DOCK8: variants seen among roughly 807,000 people sequenced by gnomAD.
DOCK8 encodes the protein dedicator of cytokinesis 8, also known as dedicator of cytokinesis protein 8.
A neutral mutation model predicts 245.6 loss-of-function variants in DOCK8; 141 were observed. The observed-to-expected ratio is 0.57, with a 90% CI of 0.50 to 0.66. The LOEUF (loss-of-function observed/expected upper bound fraction) is 0.66, where lower values mean the gene tolerates loss of function less well. Ranked by LOEUF, DOCK8 falls within the 30% of genes least tolerant of loss-of-function variation. The probability of loss-of-function intolerance (pLI) is 0.00; values close to 1 mark genes in which losing one functional copy is unlikely to be tolerated. For synonymous variants in DOCK8, 1,168 were observed against 970.2 expected, an observed-to-expected ratio of 1.20 and a Z score of -3.79; for missense variants, 2,965 against 2,603.4, an observed-to-expected ratio of 1.14 and a Z score of -3.02.
At chr9:418,036 A>T (rs748045995) in intron 29 of DOCK8, 32 bp from the exon 30 acceptor site, 1 of 1,614,026 alleles carries the variant, frequency 6.2e-7, no homozygotes, top group Non-Finnish European at 8.5e-7. Context: ...GTCATGTTTG[A>T]CTTGACATCA....
intron 46 of DOCK8, among the ~76,000 whole-genome samples, chr9:454,846 C>T (rs2057584751): frequency 6.6e-6 from 1 of 152,088 alleles, no homozygotes; most frequent in Non-Finnish European, 1.5e-5. Context: ...TTCTCATTAG[C>T]TCCCAGCCCC....
chr9:329,676 C>G (rs1317867533), intron 9 of DOCK8, among the ~76,000 whole-genome samples: 1 of 152,190 alleles, frequency 6.6e-6, no homozygotes, highest in Non-Finnish European at 1.5e-5. Flanking sequence ...CTCTGTCAGC[C>G]TAGGAAACTG....
intron 1 of DOCK8, among the ~76,000 whole-genome samples, chr9:216,611 AT>A (rs1168316490): frequency 6.7e-6 from 1 of 149,504 alleles, no homozygotes; most frequent in African/African-American, 2.5e-5. Context: ...TTTTTTCTAC[AT>A]TAAGGTTCAT....
intron 4 of DOCK8, among the ~76,000 whole-genome samples, chr9:301,802 T>G (rs1344504705): frequency 6.6e-6 from 1 of 152,076 alleles, no homozygotes; most frequent in Non-Finnish European, 1.5e-5. Flanking sequence ...AGGTGAAAGA[T>G]CTCTACAATG....
chr9:377,948 G>T (rs75794932), intron 20 of DOCK8, among the ~76,000 whole-genome samples: 5,537 of 152,256 alleles, frequency 0.036, 300 homozygotes, highest in African/African-American at 0.12. Context: ...GGCTGGTATA[G>T]GGCATCTTTA....
At chr9:243,915 T>C (rs918691071) in intron 1 of DOCK8, among the ~76,000 whole-genome samples, 6 of 152,058 alleles carry the variant, frequency 3.9e-5, no homozygotes, top group Non-Finnish European at 8.8e-5. Flanking sequence ...CCGGGCGCGG[T>C]GGCTCATGCC....
At chr9:281,022 G>A (rs2048559311) in intron 2 of DOCK8, 1 of 152,266 alleles carries the variant, frequency 6.6e-6, no homozygotes, top group African/African-American at 2.4e-5. Context: ...GGGAGGCCGA[G>A]GTGAGTAGAT....
chr9:407,013 C>G lies in DOCK8; in HGVS notation c.3474C>G (p.Phe1158Leu). The G allele has an allele frequency of 6.2e-7, 1 of 1,614,164 alleles. No individual in the cohort carries two copies. Among genetic ancestry groups the G allele is most frequent in the Non-Finnish European group, 8.5e-7 (1 of 1,180,030 alleles). ...CTTCCGAGTACCGCCAGCAGCACTT[C>G]CTCACCGGGCTCCTCTTCACAGAAC... ...DLTSEYRQQH[F>L]LTGLLFTELA... is the part of the protein sequence containing the mutation. The change falls in exon 28 of 48, where the codon TTC becomes TTG. Residue 1158 changes from phenylalanine to leucine, a missense_variant. Physicochemically the swap from Phe to Leu is conservative, Grantham distance 22 (BLOSUM62 0). Coordinates refer to ENST00000432829, the MANE Select transcript of DOCK8 (RefSeq NM_203447.4).
intron 14 of DOCK8, among the ~76,000 whole-genome samples, chr9:347,760 A>G (rs1176092310): frequency 6.6e-6 from 1 of 152,174 alleles, no homozygotes; most frequent in African/African-American, 2.4e-5. Flanking sequence ...CAATCCCCAC[A>G]TTCCTAATGC....
chr9:430,103 G>A (rs1325999738), intron 36 of DOCK8, among the ~76,000 whole-genome samples: 2 of 152,170 alleles, frequency 1.3e-5, no homozygotes, highest in African/African-American at 2.4e-5. Flanking sequence ...GGCCAGGAAC[G>A]ATGGCTTTCA....
chr9:401,584 A>C (rs972035516), intron 26 of DOCK8, among the ~76,000 whole-genome samples: 9 of 152,144 alleles, frequency 5.9e-5, no homozygotes, highest in African/African-American at 9.7e-5. Flanking sequence ...GCAGGCACTA[A>C]ATGGATGAAA....
chr9:270,966 G>T (rs1463990597), intron 1 of DOCK8, among the ~76,000 whole-genome samples: 3 of 152,228 alleles, frequency 2.0e-5, no homozygotes, highest in African/African-American at 4.8e-5. Context: ...CTGGCCAGCA[G>T]TCACATGCCA....
rs72705613 is a variant in DOCK8 at position 406,671 on chromosome 9, C to T, written c.3391-259C>T. On this transcript the variant is annotated intron_variant, in intron 27 of 47. Transcript: ENST00000432829. ...TTTTGATTTCAGGTGGGAAAGGGAG[C>T]GTCATTCATTTTTCAACAGACCCGG... is the stretch of plus-strand genomic sequence containing the variant. 9.2e-5 allele frequency among the ~76,000 whole-genome samples: 14 copies of T among 151,966 alleles called. No individual in the cohort carries two copies. In the South Asian group the frequency reaches 1.7e-3, roughly 18 times the overall value.
chr9:400,233 C>T (rs1362580969), intron 26 of DOCK8, among the ~76,000 whole-genome samples: 7 of 102,378 alleles, frequency 6.8e-5, no homozygotes, highest in South Asian at 3.3e-4. Context: ...CCACCTCCAC[C>T]ATCACCACCA....
intron 4 of DOCK8, among the ~76,000 whole-genome samples, chr9:301,129 A>G (rs113872961): frequency 0.13 from 19,443 of 152,226 alleles, 1,454 homozygotes; most frequent in Admixed American, 0.17. Flanking sequence ...AGCACATTGA[A>G]AAGTTAATTC....
intron 39 of DOCK8, among the ~76,000 whole-genome samples, chr9:438,821 T>A (rs2131788720): frequency 6.6e-6 from 1 of 152,310 alleles, no homozygotes; most frequent in African/African-American, 2.4e-5. Flanking sequence ...CTGAGTCAAC[T>A]CCAGAGTAGC....
intron 43 of DOCK8, among the ~76,000 whole-genome samples, chr9:444,035 A>T (rs1032530546): frequency 1.3e-5 from 2 of 152,110 alleles, no homozygotes; most frequent in Non-Finnish European, 2.9e-5. Flanking sequence ...TATTCCTTCC[A>T]TCCAAGTCCG....
chr9:282,283 G>A (rs1156858759), intron 2 of DOCK8, among the ~76,000 whole-genome samples: 2 of 152,132 alleles, frequency 1.3e-5, no homozygotes, highest in African/African-American at 4.8e-5. Context: ...TGCTGAGTGA[G>A]GAAGTCAGCC....
intron 1 of DOCK8, chr9:220,777 G>A (rs1180330243): frequency 5.3e-6 from 2 of 377,686 alleles, no homozygotes; most frequent in Non-Finnish European, 5.1e-6. Context: ...CTGGAGTACA[G>A]TGGGGCCATC....
Sources: allele counts gnomAD v4.1 joint callset (sites outside exome capture counted in the v4.1 genomes callset), GRCh38; gene constraint gnomAD v4.1.1; transcripts MANE v1.5; gene names NCBI Gene and HGNC (gene_info 2026-07-23, HGNC 2026-07-21).